The following SLC4A5 variants were observed in gnomAD, a reference collection of about 807,000 sequenced individuals.
SLC4A5 encodes the protein solute carrier family 4 member 5.
Under a neutral mutation model 120.4 loss-of-function variants are expected in SLC4A5, and 96 were observed. The ratio of observed to expected loss-of-function variants is 0.80; its 90% confidence interval spans 0.68 to 0.94. The LOEUF (loss-of-function observed/expected upper bound fraction) is 0.94, where lower values mean the gene tolerates loss of function less well. SLC4A5 is among the 40% of genes least tolerant of loss of function. The probability of loss-of-function intolerance (pLI) is 0.00; values close to 1 mark genes in which losing one functional copy is unlikely to be tolerated. For missense variants in SLC4A5, 1,259 were observed against 1,459.5 expected, an observed-to-expected ratio of 0.86 and a Z score of 2.24; for synonymous variants, 550 against 571.1, an observed-to-expected ratio of 0.96 and a Z score of 0.53.
At chr2:74,307,808 C>T (rs2104272597) in intron 6 of SLC4A5, 1 of 358,200 alleles carries the variant, frequency 2.8e-6, no homozygotes, top group East Asian at 6.3e-5. Flanking sequence ...AGACCCCCAG[C>T]CATCCCCATG....
At chr2:74,313,277 G>T (rs774247416) in intron 6 of SLC4A5, among the ~76,000 whole-genome samples, 1 of 152,024 alleles carries the variant, frequency 6.6e-6, no homozygotes, top group Admixed American at 6.6e-5. Context: ...TCTAGTGTTT[G>T]CCCTAGACTT....
At position 74,241,990 on chromosome 2, in the gene SLC4A5, T is replaced by C. The variant is rs753312468; in HGVS notation, c.2118+4A>G. ...AATGTCTAACATAAGAGGAAAGGACTTACCAGAGAAGCGTTGGTGTCTGGT... is the reference window on the plus strand; with the variant it reads ...AATGTCTAACATAAGAGGAAAGGACCTACCAGAGAAGCGTTGGTGTCTGGT... On this transcript the variant is annotated splice_donor_region_variant and intron_variant, in intron 20 of 30. Transcript: ENST00000394019. 14 of 1,602,574 alleles carry C rather than the reference T, an allele frequency of 8.7e-6. No individual in the cohort carries two copies.
intron 29 of SLC4A5, 53 bp downstream of exon 29, chr2:74,222,815 A>G: frequency 6.8e-7 from 1 of 1,463,966 alleles, no homozygotes. Flanking sequence ...TCCTAGGGGA[A>G]AGACATGGAG....
At chr2:74,245,955 T>G (rs1237663137) in intron 19 of SLC4A5, among the ~76,000 whole-genome samples, 1 of 152,172 alleles carries the variant, frequency 6.6e-6, no homozygotes, top group Non-Finnish European at 1.5e-5. Flanking sequence ...CCAGGGAAAC[T>G]GAGGCTTGGC....
At position 74,231,292 on chromosome 2, in the gene SLC4A5, C is replaced by T. The variant is rs1052338696; in HGVS notation, c.2791G>A (p.Gly931Ser). 6.8e-6 allele frequency: 11 copies of T among 1,611,752 alleles called. No individual in the cohort carries two copies. Among genetic ancestry groups the T allele is most frequent in the East Asian group, 2.2e-5 (1 of 44,858 alleles). ...CCCGTCAGGATGAAGACGATGATGC[C>T]GGTTACTCTCTGTTCCCTGGCAGAG... Residue 931 changes from glycine (G) to serine (S), a missense_variant, in exon 25 of 31, where the codon GGC becomes AGC. Physicochemically the swap from Gly to Ser is moderately conservative, Grantham distance 56. Transcript: ENST00000394019.
chr2:74,223,068 G>A (rs1187640767), intron 28 of SLC4A5, 116 bp from the exon 29 acceptor site: 10 of 602,348 alleles, frequency 1.7e-5, no homozygotes, highest in Admixed American at 6.4e-5. Context: ...GCAGTGGTGC[G>A]ATCTCGGCTC....
At chr2:74,341,535 G>A (rs543372081) in intron 2 of SLC4A5, among the ~76,000 whole-genome samples, 4 of 152,272 alleles carry the variant, frequency 2.6e-5, no homozygotes, top group East Asian at 1.9e-4. Flanking sequence ...CCACAGCCTG[G>A]CAAAGTGCCT....
intron 6 of SLC4A5, chr2:74,308,098 ATGTAC>A: frequency 2.3e-6 from 1 of 440,636 alleles, no homozygotes; most frequent in Non-Finnish European, 4.4e-6. Context: ...CCACCGATCA[ATGTAC>A]TGTAGTTTGT....
chr2:74,267,497 T>G (rs560457726), intron 8 of SLC4A5, among the ~76,000 whole-genome samples: 1 of 152,324 alleles, frequency 6.6e-6, no homozygotes, highest in Non-Finnish European at 1.5e-5. Context: ...ACTCACATAC[T>G]GACAGGACGG....
At position 74,231,328 on chromosome 2, in the gene SLC4A5, G is replaced by A. The variant is rs999531369; in HGVS notation, c.2775-20C>T. ...TGTTCCCTGGCAGAGAAGAACACATGGTCAGGGTGTACCAGGAAATGCCTG... is the reference window on the plus strand; with the variant it reads ...TGTTCCCTGGCAGAGAAGAACACATAGTCAGGGTGTACCAGGAAATGCCTG... On this transcript the variant is annotated intron_variant, in intron 24 of 30. Transcript: ENST00000394019. The A allele has an allele frequency of 1.2e-6, 2 of 1,606,178 alleles. No individual in the cohort carries two copies. The highest frequency in any genetic ancestry group is 2.7e-5 in the African/African-American group (2 of 74,964).
chr2:74,224,713 C>G, intron 28 of SLC4A5, 127 bp downstream of exon 28: 1 of 1,320,276 alleles, frequency 7.6e-7, no homozygotes, highest in South Asian at 1.5e-5. Flanking sequence ...ATGCCCCAGC[C>G]CATCCTGGAC....
intron 5 of SLC4A5, among the ~76,000 whole-genome samples, chr2:74,317,274 C>A (rs773993407): frequency 6.6e-6 from 1 of 152,092 alleles, no homozygotes; most frequent in Non-Finnish European, 1.5e-5. Context: ...TTAACAGGGT[C>A]ATCATCATTT....
intron 3 of SLC4A5, among the ~76,000 whole-genome samples, chr2:74,337,769 T>C (rs1285247957): frequency 6.6e-6 from 1 of 152,188 alleles, no homozygotes; most frequent in African/African-American, 2.4e-5. Context: ...CGATCTGCCT[T>C]GGACAGTAAC....
intron 6 of SLC4A5, chr2:74,306,795 T>G (rs2104268085): frequency 1.3e-6 from 1 of 748,130 alleles, no homozygotes; most frequent in Non-Finnish European, 2.2e-6. Flanking sequence ...GTGGGTAGTG[T>G]TCTTTTGGAT....
At chr2:74,270,323 G>A (rs1224761548) in intron 8 of SLC4A5, among the ~76,000 whole-genome samples, 2 of 152,198 alleles carry the variant, frequency 1.3e-5, no homozygotes, top group East Asian at 3.9e-4. Flanking sequence ...AAGATCCATA[G>A]CAATGGTTTT....
intron 18 of SLC4A5, 138 bp from the exon 19 acceptor site, chr2:74,247,445 C>T: frequency 1.1e-6 from 1 of 875,060 alleles, no homozygotes. Flanking sequence ...AGACTGGGGA[C>T]AGGGACAATT....
rs192168037 is a variant in SLC4A5 at position 74,227,256 on chromosome 2, A to C, written c.2917-126T>G. 6.0e-5 allele frequency: 68 copies of C among 1,137,478 alleles called. No homozygotes were observed. The Admixed American group carries it at 7.3e-4, about 12-fold the overall frequency. The allele number at this position is 1,137,478 out of a possible 1,614,324, so 70.5% of individuals were successfully genotyped here. ...GAAGCCCCCTGCTCAGGCCTTAAGG[A>C]TGCACGGGAGGGGGGCTGGAGGTGT... On this transcript the variant is annotated intron_variant, in intron 26 of 30. Transcript: ENST00000394019.
chr2:74,274,252 G>A lies in SLC4A5; in HGVS notation c.402-8988C>T, dbSNP rs550988364. Among the ~76,000 whole-genome samples, 45 of 152,306 alleles carry A rather than the reference G, an allele frequency of 3.0e-4. No individual in the cohort carries two copies. The East Asian group carries it at 7.1e-3, about 24-fold the overall frequency. On this transcript the variant is annotated intron_variant, in intron 8 of 30. Coordinates refer to ENST00000394019, the Ensembl canonical transcript of SLC4A5. ...CAGCAGGCGGAAGTTACAGTGAGCT[G>A]AGATGGTGCCACTGCACTCTAGCCT...
At chr2:74,323,789 C>T (rs772078714) in intron 5 of SLC4A5, among the ~76,000 whole-genome samples, 1 of 152,170 alleles carries the variant, frequency 6.6e-6, no homozygotes, top group African/African-American at 2.4e-5. Context: ...TGATATTCTA[C>T]ATTGGGAGGA....
Sources: allele counts gnomAD v4.1 joint callset (sites outside exome capture counted in the v4.1 genomes callset), GRCh38; gene constraint gnomAD v4.1.1; transcripts MANE v1.5; gene names NCBI Gene and HGNC (gene_info 2026-07-23, HGNC 2026-07-21).